The following HOOK3 variants were observed in gnomAD, a reference collection of about 807,000 sequenced individuals.
HOOK3 encodes the protein hook microtubule tethering protein 3.
HOOK3 carries 24 observed loss-of-function variants against 116.3 expected under a neutral mutation model. The ratio of observed to expected loss-of-function variants is 0.21; its 90% CI spans 0.15 to 0.29. The LOEUF (loss-of-function observed/expected upper bound fraction) is 0.29. HOOK3 is among the 10% of genes least tolerant of loss of function. HOOK3 has a pLI of 1.00. For missense variants in HOOK3, 632 were observed against 830.2 expected, an observed-to-expected ratio of 0.76 and a Z score of 2.93; for synonymous variants, 275 against 283.0, an observed-to-expected ratio of 0.97 and a Z score of 0.28.
chr8:43,011,811 C>G (rs938274407), intron 19 of HOOK3, among the ~76,000 whole-genome samples: 2 of 152,160 alleles, frequency 1.3e-5, no homozygotes, highest in Non-Finnish European at 2.9e-5. Context: ...CCCTGTGGTT[C>G]AAGGCTGCAG....
rs1809956780 is a variant in HOOK3 at position 43,027,679 on chromosome 8, G to A, written c.*9181G>A. 1 of 206,164 alleles carries A rather than the reference G, an allele frequency of 4.9e-6. No individual in the cohort carries two copies. Among genetic ancestry groups the A allele is most frequent in the Non-Finnish European group, 9.9e-6 (1 of 100,630 alleles). 12.8% of individuals were successfully genotyped at this position (206,164 alleles called of 1,614,324 possible). A position where few individuals can be genotyped will look rare whatever the true frequency, so the allele number is the denominator to read the frequency against. On this transcript the variant is annotated 3_prime_UTR_variant, in exon 22 of 22. Coordinates refer to ENST00000307602, the MANE Select transcript of HOOK3 (RefSeq NM_032410.4). ...CACTAATTAATTGTTGAATGATTAA[G>A]TCTCTAAGTATCTTAACTTCCATTG...
chr8:43,008,873 A>T (rs1200909870), intron 18 of HOOK3, among the ~76,000 whole-genome samples: 1 of 150,262 alleles, frequency 6.7e-6, no homozygotes, highest in East Asian at 2.0e-4. Flanking sequence ...TTTAGCCGGG[A>T]TGGTCTCGAT....
chr8:42,953,311 A>G (rs1167333668), intron 6 of HOOK3, among the ~76,000 whole-genome samples: 2 of 151,806 alleles, frequency 1.3e-5, no homozygotes, highest in Non-Finnish European at 2.9e-5. Flanking sequence ...CATGCCTGTA[A>G]TCCCAGCACA....
chr8:42,904,083 A>G (rs1437816306), intron 1 of HOOK3, among the ~76,000 whole-genome samples: 1 of 152,200 alleles, frequency 6.6e-6, no homozygotes, highest in Non-Finnish European at 1.5e-5. Flanking sequence ...TTTATCAAAA[A>G]CCGTAAAATG....
rs1809865794 is a variant in HOOK3 at position 43,023,376 on chromosome 8, C to CT, written c.*4879dup. 6.7e-6 allele frequency: 1 copy of CT among 149,440 alleles called. No individual in the cohort carries two copies. The highest frequency in any genetic ancestry group is 8.2e-5 in the Admixed American group (1 of 12,198). The allele number at this position is 149,440 out of a possible 1,614,324, so 9.3% of individuals were successfully genotyped here. On this transcript the variant is annotated 3_prime_UTR_variant, in exon 22 of 22. Transcript: ENST00000307602. The stretch of plus-strand genomic sequence containing the variant: ...TTATTGATGAGCCACTTTGCTATCT[C>CT]TCCTTCCTTCCTCCTTCCTTCCTTC...
intron 3 of HOOK3, among the ~76,000 whole-genome samples, chr8:42,927,023 A>G (rs977294653): frequency 1.2e-4 from 19 of 152,204 alleles, no homozygotes; most frequent in Admixed American, 1.0e-3. Flanking sequence ...ACCTGCGACC[A>G]TTTCTTTTTG....
intron 2 of HOOK3, among the ~76,000 whole-genome samples, chr8:42,922,138 A>G (rs1247693439): frequency 2.6e-5 from 4 of 152,254 alleles, no homozygotes; most frequent in South Asian, 2.1e-4. Context: ...TAAGTTATGT[A>G]AAACTTTTAA....
rs923331711 is a variant in HOOK3, at chr8:43,029,013, G to A, written c.*10515G>A. ...CCTACTTTAGTATGTGTTCTGTAGCGATTCATATTAGTTAAGGGACGTTTT... is the reference window on the plus strand; with the variant it reads ...CCTACTTTAGTATGTGTTCTGTAGCAATTCATATTAGTTAAGGGACGTTTT... On this transcript the variant is annotated 3_prime_UTR_variant, in exon 22 of 22. Coordinates refer to ENST00000307602, the MANE Select transcript of HOOK3 (RefSeq NM_032410.4). 1.5e-5 allele frequency: 3 copies of A among 196,652 alleles called. No homozygotes were observed. Among genetic ancestry groups the A allele is most frequent in the East Asian group, 7.9e-5 (1 of 12,636 alleles). 12.2% of individuals were successfully genotyped at this position (196,652 alleles called of 1,614,324 possible). A position where few individuals can be genotyped will look rare whatever the true frequency, so the allele number is the denominator to read the frequency against.
chr8:42,994,746 A>G (rs149102709), intron 15 of HOOK3, among the ~76,000 whole-genome samples: 2 of 152,264 alleles, frequency 1.3e-5, no homozygotes, highest in East Asian at 3.9e-4. Context: ...TGTTGCTTAC[A>G]TACTGCATAC....
chr8:42,970,520 CTT>C (rs1808707050), intron 11 of HOOK3, among the ~76,000 whole-genome samples: 1 of 152,068 alleles, frequency 6.6e-6, no homozygotes, highest in Non-Finnish European at 1.5e-5. Flanking sequence ...TCTTCCATGT[CTT>C]TGGGTTAAGT....
At chr8:42,923,577 A>G (rs1339949675) in intron 2 of HOOK3, among the ~76,000 whole-genome samples, 2 of 152,240 alleles carry the variant, frequency 1.3e-5, no homozygotes, top group African/African-American at 4.8e-5. Flanking sequence ...ACCACATAGT[A>G]TATGATTTTA....
chr8:43,004,469 T>C (rs900799729), intron 17 of HOOK3, among the ~76,000 whole-genome samples: 1 of 151,020 alleles, frequency 6.6e-6, no homozygotes, highest in African/African-American at 2.4e-5. Context: ...TCACTCAAGG[T>C]CAGGAGTTCG....
intron 10 of HOOK3, among the ~76,000 whole-genome samples, chr8:42,967,750 C>G (rs550932361): frequency 6.6e-6 from 1 of 151,956 alleles, no homozygotes; most frequent in South Asian, 2.1e-4. Context: ...ATTATTCGGA[C>G]ACTGTTAAAC....
intron 18 of HOOK3, among the ~76,000 whole-genome samples, chr8:43,008,441 C>T (rs997721484): frequency 1.3e-4 from 20 of 152,012 alleles, no homozygotes; most frequent in African/African-American, 4.6e-4. Flanking sequence ...CTAACCACCC[C>T]GCCAATAGCT....
intron 15 of HOOK3, among the ~76,000 whole-genome samples, chr8:42,989,875 A>G (rs1809123562): frequency 6.6e-6 from 1 of 152,182 alleles, no homozygotes; most frequent in Non-Finnish European, 1.5e-5. Context: ...CACTTAACAT[A>G]ATGACCTTCA....
At chr8:43,004,003 T>G (rs890242250) in intron 17 of HOOK3, among the ~76,000 whole-genome samples, 3 of 152,190 alleles carry the variant, frequency 2.0e-5, no homozygotes, top group Admixed American at 6.5e-5. Flanking sequence ...ATTTTTCTTT[T>G]TAGGAGACAC....
At chr8:42,975,445 G>A (rs542876643) in intron 13 of HOOK3, among the ~76,000 whole-genome samples, 6 of 152,254 alleles carry the variant, frequency 3.9e-5, no homozygotes, top group African/African-American at 1.4e-4. Flanking sequence ...ATTAGGCAAC[G>A]TGGTACAAGA....
chr8:43,027,411 C>CG lies in HOOK3; in HGVS notation c.*8913_*8914insG, dbSNP rs745609039. The CG allele has an allele frequency of 6.8e-6, 1 of 148,120 alleles. No homozygotes were observed. Among genetic ancestry groups the CG allele is most frequent in the South Asian group, 3.9e-5 (1 of 25,766 alleles). 9.2% of individuals were successfully genotyped at this position (148,120 alleles called of 1,614,324 possible). A position where few individuals can be genotyped will look rare whatever the true frequency, so the allele number is the denominator to read the frequency against. Reference sequence around the variant, plus strand: ...AGATTTGCTTATGAGAACATTCTGTCATTTGTTCTGTTTGTAGATGAGAGA... The same window carrying CG: ...AGATTTGCTTATGAGAACATTCTGTCGATTTGTTCTGTTTGTAGATGAGAGA... On this transcript the variant is annotated 3_prime_UTR_variant, in exon 22 of 22. Transcript: ENST00000307602.
chr8:42,973,243 C>T (rs751322086), intron 11 of HOOK3, 46 bp from the exon 12 acceptor site: 2 of 1,551,328 alleles, frequency 1.3e-6, no homozygotes, highest in South Asian at 1.2e-5. Flanking sequence ...AGGATAATTT[C>T]TAATGTCTCA....
Sources: gnomAD v4.1 joint callset for allele counts (sites outside exome capture counted in the v4.1 genomes callset) on GRCh38, gnomAD v4.1.1 for gene constraint, MANE v1.5 for transcripts, NCBI Gene and HGNC (gene_info 2026-07-23, HGNC 2026-07-21) for gene names.